GRIN2A: variants seen among roughly 807,000 people sequenced by gnomAD.
GRIN2A encodes the protein glutamate ionotropic receptor NMDA type subunit 2A, also known as glutamate receptor ionotropic, NMDA 2A.
Under a neutral mutation model 113.4 loss-of-function variants are expected in GRIN2A, and 22 were observed. That is an observed-to-expected ratio of 0.19 (90% CI 0.14 to 0.28). GRIN2A has a LOEUF of 0.28. GRIN2A is among the 10% of genes least tolerant of loss of function. The pLI is 1.00. For missense variants in GRIN2A, 1,502 were observed against 1,887.0 expected, an observed-to-expected ratio of 0.80 and a Z score of 3.78; for synonymous variants, 827 against 738.4, an observed-to-expected ratio of 1.12 and a Z score of -1.94.
chr16:9,820,964 C>G (rs2042271705), intron 10 of GRIN2A, among the ~76,000 whole-genome samples: 1 of 152,136 alleles, frequency 6.6e-6, no homozygotes, highest in Non-Finnish European at 1.5e-5. Flanking sequence ...TGCTGAGATG[C>G]CAAAGACATT....
intron 5 of GRIN2A, among the ~76,000 whole-genome samples, chr16:9,847,056 G>C (rs1363163393): frequency 6.6e-6 from 1 of 152,150 alleles, no homozygotes; most frequent in Non-Finnish European, 1.5e-5. Context: ...GGCTGTTGCT[G>C]AGCTGAGAAA....
chr16:10,054,624 C>G (rs550177781), intron 2 of GRIN2A, among the ~76,000 whole-genome samples: 12 of 152,242 alleles, frequency 7.9e-5, no homozygotes, highest in African/African-American at 2.9e-4. Context: ...GCCCATCATT[C>G]AGTTCATGGA....
At chr16:10,107,921 C>A (rs919308866) in intron 2 of GRIN2A, among the ~76,000 whole-genome samples, 4 of 152,190 alleles carry the variant, frequency 2.6e-5, no homozygotes, top group Non-Finnish European at 5.9e-5. Flanking sequence ...GTGATGCTTA[C>A]CCTCTGGTGG....
chr16:9,755,471 G>A lies in GRIN2A; in HGVS notation c.*7678C>T, dbSNP rs1900314619. 2 of 182,728 alleles carry A rather than the reference G, an allele frequency of 1.1e-5. No individual in the cohort carries two copies. The highest frequency in any genetic ancestry group is 4.7e-5 in the African/African-American group (2 of 42,446). The allele number at this position is 182,728 out of a possible 1,614,324, so 11.3% of individuals were successfully genotyped here. ...GCCAGCTTGAAAGATGAAAACAGCTGAGAAATTTTTCTCATAGACTAGCAC... is the reference window on the plus strand; with the variant it reads ...GCCAGCTTGAAAGATGAAAACAGCTAAGAAATTTTTCTCATAGACTAGCAC... On this transcript the variant is annotated 3_prime_UTR_variant, in exon 13 of 13. Coordinates refer to ENST00000330684, the MANE Select transcript of GRIN2A (RefSeq NM_001134407.3).
chr16:10,128,747 G>GAAACAGATGCA (rs1567319368), intron 2 of GRIN2A, among the ~76,000 whole-genome samples: 1 of 152,184 alleles, frequency 6.6e-6, no homozygotes, highest in Admixed American at 6.5e-5. Context: ...AGGCTGCTAA[G>GAAACAGATGCA]AAACAGATGC....
chr16:10,024,994 G>C (rs187102494), intron 2 of GRIN2A, among the ~76,000 whole-genome samples: 242 of 152,180 alleles, frequency 1.6e-3, no homozygotes, highest in Middle Eastern at 0.014. Context: ...ATAAGTCATG[G>C]AAGAGTCAGA....
intron 2 of GRIN2A, among the ~76,000 whole-genome samples, chr16:10,105,291 C>G (rs1436862096): frequency 6.6e-6 from 1 of 152,142 alleles, no homozygotes; most frequent in African/African-American, 2.4e-5. Flanking sequence ...TTTAATGAAG[C>G]TGCCAAAAAC....
At chr16:9,797,635 G>C (rs1007619920) in intron 11 of GRIN2A, among the ~76,000 whole-genome samples, 12 of 152,190 alleles carry the variant, frequency 7.9e-5, no homozygotes, top group African/African-American at 2.2e-4. Context: ...GTCTAGGAAA[G>C]AGTCTTTGAC....
At chr16:10,141,294 A>G (rs1470642479) in intron 2 of GRIN2A, among the ~76,000 whole-genome samples, 1 of 151,932 alleles carries the variant, frequency 6.6e-6, no homozygotes, top group Non-Finnish European at 1.5e-5. Flanking sequence ...TTCGAGACCA[A>G]CGTGGCAAAT....
intron 2 of GRIN2A, among the ~76,000 whole-genome samples, chr16:10,074,043 C>T (rs1393585914): frequency 6.6e-6 from 1 of 152,094 alleles, no homozygotes; most frequent in Admixed American, 6.5e-5. Flanking sequence ...AGAAAGGCGA[C>T]TCCGTTTTTA....
At chr16:10,045,938 A>G (rs1336506260) in intron 2 of GRIN2A, among the ~76,000 whole-genome samples, 1 of 152,194 alleles carries the variant, frequency 6.6e-6, no homozygotes, top group Non-Finnish European at 1.5e-5. Flanking sequence ...ACATTGTAAG[A>G]TATTTTACAG....
At chr16:10,112,984 C>A (rs113629870) in intron 2 of GRIN2A, 5 of 327,640 alleles carry the variant, frequency 1.5e-5, no homozygotes, top group Non-Finnish European at 3.0e-5. Context: ...ATTTGCACTA[C>A]GGGTTCCCCA....
At chr16:9,803,258 A>G (rs2141245697) in intron 10 of GRIN2A, among the ~76,000 whole-genome samples, 1 of 152,176 alleles carries the variant, frequency 6.6e-6, no homozygotes, top group South Asian at 2.1e-4. Context: ...TACAAAAAAA[A>G]TAGCTGGGCA....
intron 2 of GRIN2A, among the ~76,000 whole-genome samples, chr16:9,967,246 C>T (rs1329498202): frequency 5.3e-5 from 8 of 152,114 alleles, no homozygotes; most frequent in Non-Finnish European, 5.9e-5. Flanking sequence ...ATATACACCA[C>T]GGAATACTAT....
intron 2 of GRIN2A, 139 bp downstream of exon 2, chr16:10,179,859 G>A (rs1411560166): frequency 1.3e-6 from 1 of 745,440 alleles, no homozygotes; most frequent in African/African-American, 1.7e-5. Context: ...GTTCTCACCA[G>A]GGCCAGTGGC....
intron 2 of GRIN2A, among the ~76,000 whole-genome samples, chr16:10,141,325 A>G (rs1596547288): frequency 6.6e-6 from 1 of 151,896 alleles, no homozygotes; most frequent in South Asian, 2.1e-4. Context: ...CCTGTCTCTA[A>G]TAAAAATACA....
At chr16:10,170,064 G>A (rs1596575318) in intron 2 of GRIN2A, among the ~76,000 whole-genome samples, 1 of 152,092 alleles carries the variant, frequency 6.6e-6, no homozygotes, top group Non-Finnish European at 1.5e-5. Context: ...CCTAGATATG[G>A]GATAACAGAG....
At chr16:10,061,937 C>G (rs1381655129) in intron 2 of GRIN2A, among the ~76,000 whole-genome samples, 4 of 152,182 alleles carry the variant, frequency 2.6e-5, no homozygotes, top group Non-Finnish European at 5.9e-5. Context: ...ACAATGGCAA[C>G]AAACCATTCC....
intron 4 of GRIN2A, among the ~76,000 whole-genome samples, chr16:9,851,863 G>C (rs55985649): frequency 0.021 from 3,136 of 152,284 alleles, 43 homozygotes; most frequent in East Asian, 0.056. Flanking sequence ...CAAAAATATA[G>C]AGCACAAAAC....
Sources: allele counts gnomAD v4.1 joint callset (sites outside exome capture counted in the v4.1 genomes callset), GRCh38; gene constraint gnomAD v4.1.1; transcripts MANE v1.5; gene names NCBI Gene and HGNC (gene_info 2026-07-23, HGNC 2026-07-21).